The following DPYSL5 variants were observed in gnomAD, a reference collection of about 807,000 sequenced individuals.
DPYSL5 encodes dihydropyrimidinase like 5, also known as dihydropyrimidinase-related protein 5.
In DPYSL5, 9 loss-of-function variants were observed where a neutral mutation model predicts 58.4. That is an observed-to-expected ratio of 0.15 (90% confidence interval 0.09 to 0.27). DPYSL5 has a LOEUF of 0.27. Ranked by LOEUF, DPYSL5 falls within the 10% of genes least tolerant of loss-of-function variation. DPYSL5 has a pLI of 1.00. For synonymous variants in DPYSL5, 293 were observed against 301.9 expected (o/e 0.97, Z 0.31); for missense variants, 499 against 770.6 (o/e 0.65, Z 4.17).
intron 1 of DPYSL5, among the ~76,000 whole-genome samples, chr2:26,868,961 T>C (rs1294319414): frequency 6.6e-6 from 1 of 152,156 alleles, no homozygotes; most frequent in Non-Finnish European, 1.5e-5. Context: ...TAGGATTCTA[T>C]GCCTTTCTTG....
At chr2:26,902,847 C>T (rs1437891117) in intron 2 of DPYSL5, among the ~76,000 whole-genome samples, 1 of 152,042 alleles carries the variant, frequency 6.6e-6, no homozygotes, top group East Asian at 1.9e-4. Context: ...AAGAAGTGAC[C>T]CCTTGTCATC....
chr2:26,946,198 T>C (rs1291322359), intron 12 of DPYSL5, among the ~76,000 whole-genome samples: 1 of 152,212 alleles, frequency 6.6e-6, no homozygotes, highest in African/African-American at 2.4e-5. Flanking sequence ...ACCCCAGAGC[T>C]GCAGGGCCCC....
chr2:26,914,554 C>T (rs1337929200), intron 2 of DPYSL5, among the ~76,000 whole-genome samples: 1 of 152,322 alleles, frequency 6.6e-6, no homozygotes, highest in African/African-American at 2.4e-5. Flanking sequence ...CATGACCTGG[C>T]TGCTCCCTAC....
chr2:26,899,532 G>C (rs1219695293), intron 2 of DPYSL5, among the ~76,000 whole-genome samples: 1 of 152,150 alleles, frequency 6.6e-6, no homozygotes, highest in East Asian at 1.9e-4. Flanking sequence ...GCAAGGCCTG[G>C]CCATTTTCCT....
intron 1 of DPYSL5, among the ~76,000 whole-genome samples, chr2:26,848,756 G>T (rs540397092): frequency 2.8e-4 from 42 of 152,310 alleles, no homozygotes; most frequent in Non-Finnish European, 5.3e-4. Flanking sequence ...GATCTGCCCA[G>T]CCTGGACCCG....
In DPYSL5 at chr2:26,942,217, CGTT is replaced by C; in HGVS notation, c.1232+127_1232+129del. 1 of 1,386,296 alleles carries C rather than the reference CGTT, an allele frequency of 7.2e-7. No individual in the cohort carries two copies. The highest frequency in any genetic ancestry group is 9.8e-7 in the Non-Finnish European group (1 of 1,020,214). The allele number at this position is 1,386,296 out of a possible 1,614,324, so 85.9% of individuals were successfully genotyped here. On this transcript the variant is annotated intron_variant, in intron 10 of 12. Transcript: ENST00000288699. The surrounding 1 kb of genome is among the most constrained non-coding windows in gnomAD (Gnocchi z 5.9). Reference sequence around the variant, plus strand: ...AGCACAAAATATGGCCCTGGCCTACCGTTGGCCATCTTCTCCCTCCATCTTCAC... The same window carrying C: ...AGCACAAAATATGGCCCTGGCCTACCGGCCATCTTCTCCCTCCATCTTCAC...
Position 26,923,903 on chromosome 2 carries a change from A to G in DPYSL5, c.262-984A>G, listed in dbSNP as rs561799724. Among the ~76,000 whole-genome samples the G allele has an allele frequency of 5.3e-5, 8 of 152,124 alleles. No individual in the cohort carries two copies. The East Asian group carries it at 1.5e-3, about 29-fold the overall frequency. Reference sequence around the variant, plus strand: ...TTGAACTCTTGACCTCAAGTGATCCACCCACCTCAGCCTCCCAAAGTACTA... The same window carrying G: ...TTGAACTCTTGACCTCAAGTGATCCGCCCACCTCAGCCTCCCAAAGTACTA... On this transcript the variant is annotated intron_variant, in intron 2 of 12. Transcript: ENST00000288699.
At chr2:26,911,325 T>C (rs1370407737) in intron 2 of DPYSL5, among the ~76,000 whole-genome samples, 1 of 152,198 alleles carries the variant, frequency 6.6e-6, no homozygotes, top group African/African-American at 2.4e-5. Flanking sequence ...CAAAGTTGTA[T>C]GACTATTTTA....
rs1468996001 is a variant in DPYSL5 at position 26,848,396 on chromosome 2, A to T, written c.-5+142A>T. 3 of 152,086 alleles carry T rather than the reference A, an allele frequency of 2.0e-5. No individual in the cohort carries two copies. In the East Asian group the frequency reaches 5.8e-4, roughly 30 times the overall value. The allele number at this position is 152,086 out of a possible 1,614,324, so 9.4% of individuals were successfully genotyped here. ...GCCCGGCCGCAGGGGACGCGGCGGG[A>T]GGTGTGGTTTGGGGTTGGGAGGTGG... On this transcript the variant is annotated intron_variant, in intron 1 of 12. Coordinates refer to ENST00000288699, the MANE Select transcript of DPYSL5 (RefSeq NM_020134.4).
intron 1 of DPYSL5, among the ~76,000 whole-genome samples, chr2:26,883,303 T>C (rs1291607133): frequency 6.6e-6 from 1 of 152,214 alleles, no homozygotes; most frequent in African/African-American, 2.4e-5. Context: ...GCCATGGTTT[T>C]AGCACTAGAT....
In DPYSL5 at chr2:26,934,798, C is replaced by A. The variant is rs1445312760; in HGVS notation, c.947+64C>A. On this transcript the variant is annotated intron_variant, in intron 8 of 12. Coordinates refer to ENST00000288699, the MANE Select transcript of DPYSL5 (RefSeq NM_020134.4). The surrounding 1 kb of genome is among the most constrained non-coding windows in gnomAD (Gnocchi z 4.3). ...TCTTTAGGAAGACGTCATAGAGGGCCCAGGAAACAAATCTGAGCTAGGTTT... is the reference window on the plus strand; with the variant it reads ...TCTTTAGGAAGACGTCATAGAGGGCACAGGAAACAAATCTGAGCTAGGTTT... The A allele has an allele frequency of 6.3e-7, 1 of 1,578,658 alleles. No homozygotes were observed. Among genetic ancestry groups the A allele is most frequent in the African/African-American group, 1.3e-5 (1 of 74,232 alleles).
intron 2 of DPYSL5, among the ~76,000 whole-genome samples, chr2:26,918,903 C>T (rs1484570407): frequency 1.3e-5 from 2 of 152,138 alleles, no homozygotes; most frequent in Non-Finnish European, 2.9e-5. Context: ...AATAGCAGAG[C>T]GCAAAGTTTG....
At chr2:26,946,036 A>G (rs763002579) in intron 12 of DPYSL5, among the ~76,000 whole-genome samples, 2 of 152,164 alleles carry the variant, frequency 1.3e-5, no homozygotes, top group Non-Finnish European at 2.9e-5. Context: ...TCTGAGGGCC[A>G]CTGCCACTCC....
At position 26,855,526 on chromosome 2, in the gene DPYSL5, G is replaced by A. The variant is rs567089945; in HGVS notation, c.-5+7272G>A. Among the ~76,000 whole-genome samples the A allele has an allele frequency of 3.3e-5, 5 of 152,244 alleles. No individual in the cohort carries two copies. In the South Asian group the frequency reaches 8.3e-4, roughly 25 times the overall value. ...AACTTCTGCATTCTGAATTGTGCAC[G>A]TGTCACTCCCTACTACCTAACATCT... is the stretch of plus-strand genomic sequence containing the variant. On this transcript the variant is annotated intron_variant, in intron 1 of 12. Coordinates refer to ENST00000288699, the MANE Select transcript of DPYSL5 (RefSeq NM_020134.4).
At position 26,945,750 on chromosome 2, in the gene DPYSL5, C is replaced by T. The variant is rs539686233; in HGVS notation, c.1609+926C>T. Among the ~76,000 whole-genome samples the T allele has an allele frequency of 5.9e-5, 9 of 152,300 alleles. No homozygotes were observed. The East Asian group carries it at 1.3e-3, about 23-fold the overall frequency. On this transcript the variant is annotated intron_variant, in intron 12 of 12. Transcript: ENST00000288699. Reference sequence around the variant, plus strand: ...AAGGGCTGTGCTGGGATGGGTACGGCGAGAGGCGCAAGACCCTGGTCCTTC... The same window carrying T: ...AAGGGCTGTGCTGGGATGGGTACGGTGAGAGGCGCAAGACCCTGGTCCTTC...
intron 2 of DPYSL5, among the ~76,000 whole-genome samples, chr2:26,919,735 A>G (rs1280577835): frequency 1.3e-5 from 2 of 152,198 alleles, no homozygotes; most frequent in African/African-American, 4.8e-5. Context: ...CAGGTCTGGA[A>G]TAGTTGGAGA....
intron 1 of DPYSL5, among the ~76,000 whole-genome samples, chr2:26,860,667 C>T (rs570590874): frequency 1.2e-4 from 19 of 152,236 alleles, no homozygotes; most frequent in African/African-American, 4.3e-4. Context: ...CACTATGACA[C>T]GTCCTTACAA....
chr2:26,921,414 C>A (rs1266158707), intron 2 of DPYSL5, among the ~76,000 whole-genome samples: 2 of 151,716 alleles, frequency 1.3e-5, no homozygotes, highest in Non-Finnish European at 2.9e-5. Flanking sequence ...TGTAAAAAGT[C>A]ATGAGCATTC....
At chr2:26,920,853 A>C (rs1254939137) in intron 2 of DPYSL5, among the ~76,000 whole-genome samples, 1 of 152,206 alleles carries the variant, frequency 6.6e-6, no homozygotes, top group Non-Finnish European at 1.5e-5. Context: ...ACATGGTTCC[A>C]AGCATTTTGA....
Sources: gnomAD v4.1 joint callset for allele counts (sites outside exome capture counted in the v4.1 genomes callset) on GRCh38, gnomAD v4.1.1 for gene constraint, Gnocchi (gnomAD v3.1) non-coding constraint, MANE v1.5 for transcripts, NCBI Gene and HGNC (gene_info 2026-07-23, HGNC 2026-07-21) for gene names.